Variants in GRID2 observed in about 807,000 individuals in gnomAD.
GRID2 encodes glutamate ionotropic receptor delta type subunit 2, also known as glutamate receptor ionotropic, delta-2.
Under a neutral mutation model 114.8 loss-of-function variants are expected in GRID2, and 33 were observed. The observed-to-expected ratio is 0.29, with a 90% CI of 0.22 to 0.38. GRID2 has a LOEUF of 0.38. GRID2 is among the 10% of genes least tolerant of loss of function. GRID2 has a pLI of 1.00. For synonymous variants in GRID2, 505 were observed against 449.9 expected (o/e 1.12, Z -1.55); for missense variants, 1,184 against 1,257.7 (o/e 0.94, Z 0.89).
intron 10 of GRID2, among the ~76,000 whole-genome samples, chr4:93,448,800 C>T (rs1722346163): frequency 1.2e-4 from 1 of 8,608 alleles, no homozygotes; most frequent in African/African-American, 4.6e-4. Flanking sequence ...CCTTCCCTTC[C>T]CTTCCCTTCC....
At chr4:92,513,512 T>C (rs1724353757) in intron 1 of GRID2, among the ~76,000 whole-genome samples, 1 of 151,904 alleles carries the variant, frequency 6.6e-6, no homozygotes, top group Admixed American at 6.6e-5. Flanking sequence ...ATTTCAATGG[T>C]GAATTTCACA....
At chr4:92,693,799 T>C (rs1171689470) in intron 2 of GRID2, among the ~76,000 whole-genome samples, 3 of 152,248 alleles carry the variant, frequency 2.0e-5, no homozygotes, top group African/African-American at 7.2e-5. Context: ...ATGCTTACTA[T>C]GTTAAAATAC....
At position 93,719,543 on chromosome 4, in the gene GRID2, G is replaced by A. The variant is rs1468519524; in HGVS notation, c.2361-49667G>A. 5.3e-5 allele frequency among the ~76,000 whole-genome samples: 8 copies of A among 151,870 alleles called. 1 individual carries two copies. Among genetic ancestry groups the A allele is most frequent in the Admixed American group, 4.6e-4 (7 of 15,222 alleles). ...TTCAATTCACAGAAGGGCTACTTCC[G>A]CTCACAAGGCAGTGTTACACATTTT... On this transcript the variant is annotated intron_variant, in intron 14 of 15. Coordinates refer to ENST00000282020, the MANE Select transcript of GRID2 (RefSeq NM_001510.4).
intron 6 of GRID2, among the ~76,000 whole-genome samples, chr4:93,221,414 G>T (rs1744859018): frequency 6.6e-6 from 1 of 152,098 alleles, no homozygotes; most frequent in African/African-American, 2.4e-5. Context: ...TGATGTCAAA[G>T]AATAAGTGTA....
At chr4:92,981,357 A>G (rs369827680) in intron 2 of GRID2, among the ~76,000 whole-genome samples, 4 of 152,210 alleles carry the variant, frequency 2.6e-5, no homozygotes, top group African/African-American at 9.6e-5. Context: ...CCTTAGATGT[A>G]GCAGTTAATG....
In GRID2 at chr4:92,424,040, C is replaced by T. The variant is rs187555283; in HGVS notation, c.88+119296C>T. ...CTTTGAATTGTCTGAGATGATATTA[C>T]ATAGTATGGCAAGTGATATTTGGAA... On this transcript the variant is annotated intron_variant, in intron 1 of 15. Transcript: ENST00000282020. 2.2e-3 allele frequency among the ~76,000 whole-genome samples: 340 copies of T among 152,164 alleles called. 1 individual carries two copies. Among genetic ancestry groups the T allele is most frequent in the Non-Finnish European group, 3.2e-3 (215 of 67,944 alleles).
intron 2 of GRID2, among the ~76,000 whole-genome samples, chr4:92,625,760 C>G (rs914997988): frequency 3.3e-5 from 5 of 151,858 alleles, no homozygotes; most frequent in African/African-American, 1.2e-4. Context: ...CTTATGCTAG[C>G]CTATATTATT....
intron 4 of GRID2, among the ~76,000 whole-genome samples, chr4:93,177,053 T>C (rs1435782474): frequency 2.0e-5 from 3 of 152,146 alleles, no homozygotes; most frequent in Non-Finnish European, 4.4e-5. Flanking sequence ...GATACCGATG[T>C]ATTTATGGAT....
intron 2 of GRID2, among the ~76,000 whole-genome samples, chr4:92,887,458 T>A (rs1315858405): frequency 6.6e-6 from 1 of 152,216 alleles, no homozygotes; most frequent in Non-Finnish European, 1.5e-5. Flanking sequence ...GCCCCAGTAC[T>A]TATGTGCAGA....
At position 93,224,790 on chromosome 4, in the gene GRID2, T is replaced by C; in HGVS notation, c.1125+15T>C. On this transcript the variant is annotated intron_variant, in intron 7 of 15. Coordinates refer to ENST00000282020, the MANE Select transcript of GRID2 (RefSeq NM_001510.4). ...CCATCAAGAAGGTAACTTCTTAATTTTCATGTAAAAAGGATATGGTAAATA... is the reference window on the plus strand; with the variant it reads ...CCATCAAGAAGGTAACTTCTTAATTCTCATGTAAAAAGGATATGGTAAATA... The C allele has an allele frequency of 6.3e-7, 1 of 1,576,676 alleles. No homozygotes were observed. The highest frequency in any genetic ancestry group is 8.7e-7 in the Non-Finnish European group (1 of 1,151,748).
chr4:93,758,893 C>T (rs187164475), intron 14 of GRID2, among the ~76,000 whole-genome samples: 1 of 152,094 alleles, frequency 6.6e-6, no homozygotes, highest in East Asian at 1.9e-4. Context: ...ACCCTATAAC[C>T]CAAATATCAC....
intron 1 of GRID2, among the ~76,000 whole-genome samples, chr4:92,374,784 G>A (rs1027561907): frequency 6.6e-6 from 1 of 152,118 alleles, no homozygotes; most frequent in Non-Finnish European, 1.5e-5. Context: ...AATTCTTGAA[G>A]GGGATAGAGT....
intron 10 of GRID2, among the ~76,000 whole-genome samples, chr4:93,428,015 A>G (rs2149375813): frequency 1.3e-5 from 2 of 152,134 alleles, no homozygotes; most frequent in South Asian, 4.1e-4. Context: ...AAAGTATATC[A>G]AGTTTAGGAT....
At chr4:92,762,609 T>C (rs1327507302) in intron 2 of GRID2, among the ~76,000 whole-genome samples, 3 of 152,166 alleles carry the variant, frequency 2.0e-5, no homozygotes, top group African/African-American at 7.2e-5. Context: ...AACCCTAGGA[T>C]GTAGTGATGC....
chr4:92,461,696 T>TTTG (rs377645197), intron 1 of GRID2, among the ~76,000 whole-genome samples: 149 of 152,022 alleles, frequency 9.8e-4, no homozygotes, highest in African/African-American at 1.6e-3. Context: ...ATTACAGGGT[T>TTTG]TTGTTGTTGT....
In GRID2 at chr4:92,444,692, G is replaced by C. The variant is rs140482267; in HGVS notation, c.88+139948G>C. On this transcript the variant is annotated intron_variant, in intron 1 of 15. Transcript: ENST00000282020. ...GATATAATGTAAAAAGGGGGCGTTT[G>C]TCTTCTCTTTTTAAATATCCGTACA... Among the ~76,000 whole-genome samples the C allele has an allele frequency of 2.5e-3, 375 of 152,238 alleles. 3 individuals are homozygous for C. The highest frequency in any genetic ancestry group is 8.4e-3 in the African/African-American group (350 of 41,530).
intron 14 of GRID2, among the ~76,000 whole-genome samples, chr4:93,672,037 T>C (rs370033852): frequency 2.0e-5 from 3 of 152,106 alleles, no homozygotes; most frequent in East Asian, 3.8e-4. Flanking sequence ...ACACAAGCAA[T>C]GAAGGTATCT....
At chr4:93,732,928 A>T (rs1450957627) in intron 14 of GRID2, among the ~76,000 whole-genome samples, 3 of 152,044 alleles carry the variant, frequency 2.0e-5, no homozygotes, top group Non-Finnish European at 2.9e-5. Flanking sequence ...AAATAAAAAA[A>T]AAAAAAGAAG....
intron 2 of GRID2, among the ~76,000 whole-genome samples, chr4:92,947,859 C>T (rs1751754538): frequency 6.6e-6 from 1 of 151,614 alleles, no homozygotes; most frequent in African/African-American, 2.4e-5. Context: ...TTTATTATGT[C>T]CAGTGTGATA....
Sources: allele counts gnomAD v4.1 joint callset (sites outside exome capture counted in the v4.1 genomes callset), GRCh38; gene constraint gnomAD v4.1.1; transcripts MANE v1.5; gene names NCBI Gene and HGNC (gene_info 2026-07-23, HGNC 2026-07-21).